Variants in CACHD1 observed in about 807,000 individuals in gnomAD.
CACHD1 encodes VWFA and cache domain-containing protein 1.
CACHD1 carries 71 observed loss-of-function variants against 138.7 expected under a neutral mutation model. That is an observed-to-expected ratio of 0.51 (90% CI 0.42 to 0.62). The LOEUF is 0.62. CACHD1 is among the 20% of genes least tolerant of loss of function. CACHD1 has a pLI of 0.00. For missense variants in CACHD1, 1,389 were observed against 1,625.3 expected, an observed-to-expected ratio of 0.85 and a Z score of 2.50; for synonymous variants, 578 against 591.5, an observed-to-expected ratio of 0.98 and a Z score of 0.33.
At chr1:64,618,320 A>G (rs1290146863) in intron 4 of CACHD1, among the ~76,000 whole-genome samples, 1 of 152,162 alleles carries the variant, frequency 6.6e-6, no homozygotes. Context: ...ATCCCACTCA[A>G]CCTGCATCTA....
chr1:64,502,638 TG>T (rs1437313382), intron 1 of CACHD1, among the ~76,000 whole-genome samples: 1 of 125,974 alleles, frequency 7.9e-6, no homozygotes, highest in Non-Finnish European at 1.5e-5. Flanking sequence ...TTGTTTCTAT[TG>T]CACATTCTCT....
chr1:64,522,435 G>A (rs1456172214), intron 1 of CACHD1, among the ~76,000 whole-genome samples: 2 of 152,118 alleles, frequency 1.3e-5, no homozygotes, highest in African/African-American at 2.4e-5. Flanking sequence ...AGCCTCCCGA[G>A]TAGCTGGGAT....
chr1:64,556,906 C>T (rs1304934666), intron 2 of CACHD1, among the ~76,000 whole-genome samples: 2 of 152,120 alleles, frequency 1.3e-5, no homozygotes, highest in African/African-American at 4.8e-5. Flanking sequence ...ATCATGAGGT[C>T]AGGAGATCGA....
At position 64,663,806 on chromosome 1, in the gene CACHD1, A is replaced by T; in HGVS notation, c.2063A>T (p.Asn688Ile). 6.2e-7 allele frequency: 1 copy of T among 1,614,018 alleles called. No homozygotes were observed. Among genetic ancestry groups the T allele is most frequent in the South Asian group, 1.1e-5 (1 of 91,072 alleles). Reference sequence around the variant, plus strand: ...CACTACACCGCCTATCTCAGCGACAACACCCGCCTCATTGCTAACCCGGGC... The same window carrying T: ...CACTACACCGCCTATCTCAGCGACATCACCCGCCTCATTGCTAACCCGGGC... ...VEHYTAYLSDNTRLIANPGLK... is the reference protein window; with the variant it reads ...VEHYTAYLSDITRLIANPGLK... The change falls in exon 14 of 27, where the codon AAC becomes ATC. Residue 688 changes from asparagine (N) to isoleucine (I), a missense_variant. By Grantham distance (149) the Asn-to-Ile change is moderately radical. Around this residue, in one of 5 missense-constraint regions of CACHD1, gnomAD observed 1,000 missense variants for 1,114.7 expected, o/e 0.90. Coordinates refer to ENST00000651257, the MANE Select transcript of CACHD1 (RefSeq NM_020925.4).
rs191118454 is a variant in CACHD1 at position 64,552,498 on chromosome 1, C to A, written c.261+1842C>A. 4.5e-3 allele frequency among the ~76,000 whole-genome samples: 616 copies of A among 137,488 alleles called. 9 individuals carry two copies. Among genetic ancestry groups the A allele is most frequent in the African/African-American group, 0.016 (586 of 36,494 alleles). 90.2% of individuals were successfully genotyped at this position (137,488 alleles called of 152,430 possible). A position where few individuals can be genotyped will look rare whatever the true frequency, so the allele number is the denominator to read the frequency against. Reference sequence around the variant, plus strand: ...TTTTTTTTTTTTTTTGAGACAGGATCTTGCTCTGTCGCCCATGCTGGAGTG... The same window carrying A: ...TTTTTTTTTTTTTTTGAGACAGGATATTGCTCTGTCGCCCATGCTGGAGTG... On this transcript the variant is annotated intron_variant, in intron 2 of 26. Coordinates refer to ENST00000651257, the MANE Select transcript of CACHD1 (RefSeq NM_020925.4).
intron 2 of CACHD1, among the ~76,000 whole-genome samples, chr1:64,557,834 A>G (rs1646810178): frequency 6.6e-6 from 1 of 151,804 alleles, no homozygotes; most frequent in Admixed American, 6.6e-5. Flanking sequence ...AGTCTCTCCC[A>G]GTCACCCAGC....
At chr1:64,485,793 C>T (rs1348700458) in intron 1 of CACHD1, among the ~76,000 whole-genome samples, 8 of 152,016 alleles carry the variant, frequency 5.3e-5, no homozygotes, top group African/African-American at 1.7e-4. Flanking sequence ...GTTGCCTAGG[C>T]TGGGAGTTTT....
At chr1:64,523,885 C>T in intron 1 of CACHD1, among the ~76,000 whole-genome samples, 1 of 151,956 alleles carries the variant, frequency 6.6e-6, no homozygotes, top group East Asian at 1.9e-4. Context: ...TTCTTGCTTC[C>T]TTTTTCTAAT....
chr1:64,654,842 G>A (rs1017877516), intron 12 of CACHD1, 39 bp downstream of exon 12: 1 of 1,420,558 alleles, frequency 7.0e-7, no homozygotes, highest in African/African-American at 1.4e-5. Flanking sequence ...AAGAGCTACA[G>A]GGTACAGTGC....
chr1:64,586,982 G>A (rs1647056094), intron 3 of CACHD1, among the ~76,000 whole-genome samples: 1 of 152,184 alleles, frequency 6.6e-6, no homozygotes, highest in South Asian at 2.1e-4. Context: ...CTTGCCATAT[G>A]TATATGTATT....
At chr1:64,528,210 A>G (rs1646555395) in intron 1 of CACHD1, among the ~76,000 whole-genome samples, 1 of 152,152 alleles carries the variant, frequency 6.6e-6, no homozygotes, top group Admixed American at 6.5e-5. Context: ...CTTTTTCTTT[A>G]CTGTTTCTGA....
At chr1:64,508,724 G>A (rs1646396223) in intron 1 of CACHD1, among the ~76,000 whole-genome samples, 1 of 152,140 alleles carries the variant, frequency 6.6e-6, no homozygotes, top group Non-Finnish European at 1.5e-5. Flanking sequence ...AGATAGAGAC[G>A]TAGTGCATTT....
intron 14 of CACHD1, 126 bp from the exon 15 acceptor site, chr1:64,664,372 A>G (rs1649555979): frequency 1.1e-6 from 1 of 875,826 alleles, no homozygotes; most frequent in Admixed American, 2.8e-5. Flanking sequence ...TCTGCTGTGG[A>G]AAGATTTTTA....
rs541941661 is a variant in CACHD1, at chr1:64,491,011, TTAAA to T, written c.198+20073_198+20076del. 2.6e-4 allele frequency among the ~76,000 whole-genome samples: 40 copies of T among 152,294 alleles called. 1 individual carries two copies. In the East Asian group the frequency reaches 7.2e-3, roughly 27 times the overall value. On this transcript the variant is annotated intron_variant, in intron 1 of 26. Coordinates refer to ENST00000651257, the MANE Select transcript of CACHD1 (RefSeq NM_020925.4). ...GATAAAAATCTAGAAAAATCTTTGC[TTAAA>T]TAATTTTGAAAAAGTAAATAAATAA... is the stretch of plus-strand genomic sequence containing the variant.
chr1:64,600,858 G>A (rs1054060796), intron 3 of CACHD1, among the ~76,000 whole-genome samples: 3 of 152,188 alleles, frequency 2.0e-5, no homozygotes, highest in Admixed American at 6.5e-5. Flanking sequence ...GTAATCAGGA[G>A]AACCTTCTAG....
At position 64,683,686 on chromosome 1, in the gene CACHD1, A is replaced by AT. The variant is rs1650261692; in HGVS notation, c.3586+1581dup. On this transcript the variant is annotated intron_variant, in intron 26 of 26. Transcript: ENST00000651257. ...TTCATTTTTCTCCATAATTGGATCC[A>AT]TGTTATCCCCAAGGTATGAAAAATA... is the stretch of plus-strand genomic sequence containing the variant. Among the ~76,000 whole-genome samples the AT allele has an allele frequency of 2.0e-5, 3 of 152,334 alleles. No homozygotes were observed. In the South Asian group the frequency reaches 6.2e-4, roughly 32 times the overall value.
intron 11 of CACHD1, 26 bp downstream of exon 11, chr1:64,653,907 A>G (rs753275555): frequency 6.2e-7 from 1 of 1,607,046 alleles, no homozygotes; most frequent in Non-Finnish European, 8.5e-7. Flanking sequence ...GGGTCATAGG[A>G]TTGTTTTTCC....
intron 8 of CACHD1, among the ~76,000 whole-genome samples, chr1:64,646,526 G>A (rs375416909): frequency 2.2e-4 from 34 of 152,032 alleles, no homozygotes; most frequent in African/African-American, 8.2e-4. Flanking sequence ...CCAGGAGTTC[G>A]AGGCCAGCCT....
At position 64,470,955 on chromosome 1, in the gene CACHD1, C is replaced by G. The variant is rs780167224; in HGVS notation, c.198+13C>G. On this transcript the variant is annotated intron_variant, in intron 1 of 26. Transcript: ENST00000651257. This position sits in a 1 kb window ranked among gnomAD's most constrained non-coding sequence, Gnocchi z 5.2. ...CGTCACCATGCAGGTAAGTGGCCCC[C>G]GAGCTGGCCAGACATCCCGCCTTTC... 1.9e-6 allele frequency: 3 copies of G among 1,586,236 alleles called. No homozygotes were observed. The highest frequency in any genetic ancestry group is 2.3e-5 in the South Asian group (2 of 86,176).
Sources: allele counts gnomAD v4.1 joint callset (sites outside exome capture counted in the v4.1 genomes callset), GRCh38; gene constraint gnomAD v4.1.1; regional missense constraint gnomAD v4.1.1; non-coding constraint Gnocchi (gnomAD v3.1); transcripts MANE v1.5; gene names NCBI Gene and HGNC (gene_info 2026-07-23, HGNC 2026-07-21).